UGT1A8: variants seen among roughly 807,000 people sequenced by gnomAD.
The protein encoded by UGT1A8 is UDP-glucuronosyltransferase 1A8.
A neutral mutation model predicts 45.3 loss-of-function variants in UGT1A8; 39 were observed. The ratio of observed to expected loss-of-function variants is 0.86; its 90% CI spans 0.67 to 1.12. The LOEUF (loss-of-function observed/expected upper bound fraction) is 1.12, where lower values mean the gene tolerates loss of function less well. Ranked by LOEUF, UGT1A8 falls within the 50% of genes most tolerant of loss-of-function variation. UGT1A8 has a pLI of 0.00. For synonymous variants in UGT1A8, 275 were observed against 249.2 expected (o/e 1.10, Z -0.97); for missense variants, 719 against 664.9 (o/e 1.08, Z -0.90).
intron 4 of UGT1A8, among the ~76,000 whole-genome samples, chr2:233,771,823 C>T (rs1700395813): frequency 7.3e-6 from 1 of 137,044 alleles, no homozygotes; most frequent in Non-Finnish European, 1.6e-5. Flanking sequence ...TTCCTTGCTT[C>T]CTTCCCTCCT....
intron 1 of UGT1A8, among the ~76,000 whole-genome samples, chr2:233,708,913 C>T (rs1033792363): frequency 6.6e-6 from 1 of 152,118 alleles, no homozygotes; most frequent in African/African-American, 2.4e-5. Context: ...TTAGGTATTG[C>T]TTGCTACAGA....
chr2:233,675,526 C>A (rs932255711), intron 1 of UGT1A8, among the ~76,000 whole-genome samples: 4 of 152,094 alleles, frequency 2.6e-5, no homozygotes, highest in African/African-American at 9.7e-5. Flanking sequence ...ATCTGTGCTT[C>A]CCCCCTTGCT....
In UGT1A8 at chr2:233,765,523, G is replaced by A. The variant is rs34942302; in HGVS notation, c.856-1511G>A. On this transcript the variant is annotated intron_variant, in intron 1 of 4. Coordinates refer to ENST00000373450, the MANE Select transcript of UGT1A8 (RefSeq NM_019076.5). ...ACACAGGAACAGAAAATCAAACACCGCATGTTCTCACTCATAAGTGGGAGT... is the reference window on the plus strand; with the variant it reads ...ACACAGGAACAGAAAATCAAACACCACATGTTCTCACTCATAAGTGGGAGT... Among the ~76,000 whole-genome samples, 784 of 152,122 alleles carry A rather than the reference G, an allele frequency of 5.2e-3. 4 individuals are homozygous for A. Among genetic ancestry groups the A allele is most frequent in the Non-Finnish European group, 8.2e-3 (558 of 68,008 alleles).
chr2:233,705,103 G>A (rs1056170321), intron 1 of UGT1A8, among the ~76,000 whole-genome samples: 8 of 150,714 alleles, frequency 5.3e-5, no homozygotes, highest in Non-Finnish European at 1.2e-4. Flanking sequence ...GCCATTGCAC[G>A]CCAGCCTGGG....
chr2:233,736,288 C>T (rs896728048), intron 1 of UGT1A8, among the ~76,000 whole-genome samples: 17 of 152,156 alleles, frequency 1.1e-4, no homozygotes, highest in African/African-American at 3.9e-4. Context: ...ACCCTTTCTT[C>T]CAGTTGCTCT....
At chr2:233,719,030 A>G (rs1559364102) in intron 1 of UGT1A8, 1 of 1,614,246 alleles carries the variant, frequency 6.2e-7, no homozygotes, top group Non-Finnish European at 8.5e-7. Flanking sequence ...TGCACATCAA[A>G]GAAGAGAAAT....
intron 1 of UGT1A8, among the ~76,000 whole-genome samples, chr2:233,745,254 T>TA (rs1247734907): frequency 2.6e-5 from 4 of 151,822 alleles, no homozygotes; most frequent in African/African-American, 9.7e-5. Flanking sequence ...TCGAAACCAT[T>TA]AAGACTTGCA....
chr2:233,760,805 A>C (rs1464812223), intron 1 of UGT1A8: 1 of 1,613,342 alleles, frequency 6.2e-7, no homozygotes, highest in Admixed American at 1.7e-5. Context: ...TTCTTCTTGC[A>C]TGCACTGCCA....
intron 1 of UGT1A8, among the ~76,000 whole-genome samples, chr2:233,670,361 T>A (rs1480339630): frequency 6.6e-6 from 1 of 152,256 alleles, no homozygotes; most frequent in South Asian, 2.1e-4. Flanking sequence ...AATTACATCA[T>A]AATTATTATT....
intron 1 of UGT1A8, chr2:233,713,361 A>C (rs201722242): frequency 1.1e-5 from 17 of 1,614,070 alleles, no homozygotes; most frequent in African/African-American, 1.3e-5. Context: ...GTCTTTGATC[A>C]TACATAGGTC....
Position 233,772,356 on chromosome 2 carries a change from A to G in UGT1A8, c.1390A>G (p.Arg464Gly). Reference protein sequence around the residue: ...LAVFWVEFVMRHKGAPHLRPA... With the variant: ...LAVFWVEFVMGHKGAPHLRPA... ...CGTGTTCTGGGTGGAGTTTGTGATG[A>G]GGCACAAGGGCGCGCCACACCTGCG... The change falls in exon 5 of 5, where the codon AGG (arginine) becomes GGG (glycine). Residue 464 changes from arginine to glycine, a missense_variant. Transcript: ENST00000373450. 6.2e-7 allele frequency: 1 copy of G among 1,614,222 alleles called. No individual in the cohort carries two copies. The highest frequency in any genetic ancestry group is 1.6e-4 in the Middle Eastern group (1 of 6,062).
At chr2:233,728,439 A>G (rs994532413) in intron 1 of UGT1A8, among the ~76,000 whole-genome samples, 1 of 152,136 alleles carries the variant, frequency 6.6e-6, no homozygotes, top group African/African-American at 2.4e-5. Context: ...CATGGTGTAT[A>G]TGGAGAATCC....
chr2:233,684,472 T>C (rs902470893), intron 1 of UGT1A8, among the ~76,000 whole-genome samples: 2 of 152,168 alleles, frequency 1.3e-5, no homozygotes, highest in Non-Finnish European at 2.9e-5. Context: ...GCTGAGTTTG[T>C]TGTGGCTCAA....
At position 233,724,416 on chromosome 2, in the gene UGT1A8, G is replaced by A. The variant is rs1457197643; in HGVS notation, c.856-42618G>A. 2.3e-4 allele frequency among the ~76,000 whole-genome samples: 32 copies of A among 137,862 alleles called. 2 individuals are homozygous for A. The highest frequency in any genetic ancestry group is 1.2e-3 in the East Asian group (5 of 4,238). 90.4% of individuals were successfully genotyped at this position (137,862 alleles called of 152,430 possible). A position where few individuals can be genotyped will look rare whatever the true frequency, so the allele number is the denominator to read the frequency against. ...TCACTTCCCAGATGGGGTGGCTGCC[G>A]GGCGGAGAGGCTCCTCACTTCTCAG... On this transcript the variant is annotated intron_variant, in intron 1 of 4. Coordinates refer to ENST00000373450, the MANE Select transcript of UGT1A8 (RefSeq NM_019076.5).
At chr2:233,729,519 A>G in intron 1 of UGT1A8, 1 of 1,614,214 alleles carries the variant, frequency 6.2e-7, no homozygotes, top group Middle Eastern at 1.6e-4. Context: ...GTGTGGAGCT[A>G]CTACATAATG....
At chr2:233,634,779 T>A (rs574346786) in intron 1 of UGT1A8, among the ~76,000 whole-genome samples, 1 of 151,040 alleles carries the variant, frequency 6.6e-6, no homozygotes, top group Non-Finnish European at 1.5e-5. Context: ...TGTCTTTTAA[T>A]TGGGGCATTT....
At chr2:233,717,386 C>T (rs759361216) in intron 1 of UGT1A8, among the ~76,000 whole-genome samples, 3 of 152,252 alleles carry the variant, frequency 2.0e-5, no homozygotes, top group African/African-American at 7.2e-5. Context: ...GACCTGCCCT[C>T]TCTGTGCCAT....
At chr2:233,626,221 C>T (rs2073081846) in intron 1 of UGT1A8, among the ~76,000 whole-genome samples, 1 of 152,076 alleles carries the variant, frequency 6.6e-6, no homozygotes, top group South Asian at 2.1e-4. Context: ...AGTTTCAGTG[C>T]CCATAAGGGT....
intron 1 of UGT1A8, among the ~76,000 whole-genome samples, chr2:233,711,305 A>G (rs1408728006): frequency 6.6e-6 from 1 of 152,220 alleles, no homozygotes; most frequent in African/African-American, 2.4e-5. Context: ...AAATTAGATG[A>G]CATTGGTGTC....
Sources: gnomAD v4.1 joint callset for allele counts (sites outside exome capture counted in the v4.1 genomes callset) on GRCh38, gnomAD v4.1.1 for gene constraint, MANE v1.5 for transcripts, NCBI Gene and HGNC (gene_info 2026-07-23, HGNC 2026-07-21) for gene names.